The following GSG1L variants were observed in gnomAD, a reference collection of about 807,000 sequenced individuals.
GSG1L encodes the protein germ cell-specific gene 1-like protein.
Under a neutral mutation model 42.1 loss-of-function variants are expected in GSG1L, and 24 were observed. The observed-to-expected ratio is 0.57, with a 90% CI of 0.41 to 0.80. The LOEUF (loss-of-function observed/expected upper bound fraction) is 0.80, where lower values mean the gene tolerates loss of function less well. Ranked by LOEUF, GSG1L falls within the 30% of genes least tolerant of loss-of-function variation. GSG1L has a pLI of 0.00. For missense variants in GSG1L, 445 were observed against 472.2 expected (o/e 0.94, Z 0.53); for synonymous variants, 215 against 203.5 (o/e 1.06, Z -0.48).
At chr16:28,043,764 G>A (rs897145442) in intron 1 of GSG1L, among the ~76,000 whole-genome samples, 1 of 152,258 alleles carries the variant, frequency 6.6e-6, no homozygotes, top group African/African-American at 2.4e-5. Flanking sequence ...GCACACGCCT[G>A]TAATCCCAGC....
intron 3 of GSG1L, among the ~76,000 whole-genome samples, chr16:27,853,714 C>A (rs2083542011): frequency 6.6e-6 from 1 of 152,158 alleles, no homozygotes; most frequent in Non-Finnish European, 1.5e-5. Flanking sequence ...GGAGACCTTC[C>A]AATTTCAAGT....
At chr16:27,920,311 G>T (rs923738003) in intron 2 of GSG1L, among the ~76,000 whole-genome samples, 1 of 152,150 alleles carries the variant, frequency 6.6e-6, no homozygotes, top group African/African-American at 2.4e-5. Context: ...TAGCATGGCT[G>T]CCTGAGGCCA....
intron 2 of GSG1L, among the ~76,000 whole-genome samples, chr16:27,915,403 T>C (rs746965980): frequency 1.6e-4 from 24 of 152,156 alleles, no homozygotes; most frequent in Non-Finnish European, 5.9e-5. Flanking sequence ...GAAGGCTTTG[T>C]GGAGCCATAA....
intron 2 of GSG1L, among the ~76,000 whole-genome samples, chr16:27,912,042 C>T (rs1202893549): frequency 6.6e-6 from 1 of 152,132 alleles, no homozygotes; most frequent in East Asian, 1.9e-4. Context: ...TGTTGATCAG[C>T]TTTGGATTCA....
chr16:27,860,179 C>T (rs1002159445), intron 3 of GSG1L, among the ~76,000 whole-genome samples: 1 of 152,190 alleles, frequency 6.6e-6, no homozygotes, highest in African/African-American at 2.4e-5. Flanking sequence ...TAAGGAGGCC[C>T]TGGGTGGGCA....
At chr16:27,888,093 C>A (rs1016104150) in intron 2 of GSG1L, 1 of 985,360 alleles carries the variant, frequency 1.0e-6, no homozygotes, top group Admixed American at 6.1e-5. Context: ...CGCTGGGTTT[C>A]CAGCCCCTGT....
chr16:28,023,934 G>A (rs921246399), intron 1 of GSG1L, among the ~76,000 whole-genome samples: 32 of 152,280 alleles, frequency 2.1e-4, no homozygotes, highest in African/African-American at 7.5e-4. Flanking sequence ...GGAGGCTGAG[G>A]TAGGAGGATC....
In GSG1L at chr16:28,008,912, A is replaced by C. The variant is rs183183736; in HGVS notation, c.350-45709T>G. ...CAACCTCTGCCTCCCAGGTTAAAGC[A>C]ATTCTCCTGCCTCAGCCTCCAGAGT... On this transcript the variant is annotated intron_variant, in intron 1 of 6. Transcript: ENST00000447459. 2.0e-5 allele frequency among the ~76,000 whole-genome samples: 3 copies of C among 151,846 alleles called. No individual in the cohort carries two copies. The East Asian group carries it at 5.8e-4, about 29-fold the overall frequency.
chr16:27,807,819 T>G (rs745389742), intron 5 of GSG1L, among the ~76,000 whole-genome samples: 6 of 152,160 alleles, frequency 3.9e-5, no homozygotes, highest in Non-Finnish European at 7.3e-5. Context: ...AGAGGCAGAA[T>G]AGGAAGGCAA....
chr16:27,924,936 G>A (rs2084574602), intron 2 of GSG1L, among the ~76,000 whole-genome samples: 1 of 152,116 alleles, frequency 6.6e-6, no homozygotes, highest in Non-Finnish European at 1.5e-5. Context: ...CAGTCTCCCA[G>A]CAACACCGGA....
intron 5 of GSG1L, among the ~76,000 whole-genome samples, chr16:27,817,744 T>A (rs2083112556): frequency 1.3e-5 from 2 of 152,250 alleles, no homozygotes; most frequent in African/African-American, 4.8e-5. Context: ...AAGGCAAGCA[T>A]GAGTGTCCAG....
intron 3 of GSG1L, among the ~76,000 whole-genome samples, chr16:27,853,915 T>C (rs973297333): frequency 1.3e-5 from 2 of 152,022 alleles, no homozygotes; most frequent in African/African-American, 2.4e-5. Context: ...TTAATGGACA[T>C]GTAGCCAGGC....
chr16:27,890,717 T>C (rs978404281), intron 2 of GSG1L, among the ~76,000 whole-genome samples: 1 of 152,172 alleles, frequency 6.6e-6, no homozygotes, highest in Non-Finnish European at 1.5e-5. Flanking sequence ...AGAGCCTACA[T>C]GAGCCGTGGA....
At chr16:27,961,481 C>T (rs1295772790) in intron 2 of GSG1L, among the ~76,000 whole-genome samples, 1 of 152,226 alleles carries the variant, frequency 6.6e-6, no homozygotes, top group Non-Finnish European at 1.5e-5. Flanking sequence ...AGCTCTGCCT[C>T]TCATGAGGTG....
In GSG1L at chr16:27,884,716, A is replaced by G; in HGVS notation, c.398-78T>C. On this transcript the variant is annotated intron_variant, in intron 2 of 6. Coordinates refer to ENST00000447459, the MANE Select transcript of GSG1L (RefSeq NM_001109763.2). The surrounding 1 kb of genome is among the most constrained non-coding windows in gnomAD (Gnocchi z 4.4). Reference sequence around the variant, plus strand: ...TCACCCTGTGCCTATTCCTCCCACAACAGCAGAGGGTAGCAAGTCATTCTA... The same window carrying G: ...TCACCCTGTGCCTATTCCTCCCACAGCAGCAGAGGGTAGCAAGTCATTCTA... 7.3e-7 allele frequency: 1 copy of G among 1,370,382 alleles called. No individual in the cohort carries two copies. The highest frequency in any genetic ancestry group is 1.0e-6 in the Non-Finnish European group (1 of 1,003,140). 84.9% of individuals were successfully genotyped at this position (1,370,382 alleles called of 1,614,324 possible).
intron 2 of GSG1L, among the ~76,000 whole-genome samples, chr16:27,959,339 G>A (rs78481604): frequency 6.0e-5 from 6 of 100,256 alleles, no homozygotes; most frequent in Middle Eastern, 9.3e-3. Context: ...ATGGTGGCGT[G>A]CGCCTGTAAT....
rs180744912 is a variant in GSG1L at position 27,903,717 on chromosome 16, G to C, written c.398-19079C>G. Among the ~76,000 whole-genome samples the C allele has an allele frequency of 3.7e-3, 566 of 152,278 alleles. 1 individual carries two copies. The highest frequency in any genetic ancestry group is 6.4e-3 in the Non-Finnish European group (432 of 68,006). On this transcript the variant is annotated intron_variant, in intron 2 of 6. Transcript: ENST00000447459. ...GGACCAAATCCTCCAGGGCAGGCCA[G>C]AAGTCAGGGGCTTGGCGGACAGAGT...
intron 6 of GSG1L, among the ~76,000 whole-genome samples, chr16:27,796,357 CA>C (rs5816444): frequency 0.17 from 25,758 of 152,144 alleles, 2,209 homozygotes; most frequent in African/African-American, 0.21. Flanking sequence ...GGAAACCTGT[CA>C]GCTAGTGACA....
chr16:27,947,638 G>A (rs182658371), intron 2 of GSG1L, among the ~76,000 whole-genome samples: 33 of 152,250 alleles, frequency 2.2e-4, no homozygotes, highest in African/African-American at 7.7e-4. Context: ...TGTGGGTTGT[G>A]TGATAACATG....
Sources: gnomAD v4.1 joint callset for allele counts (sites outside exome capture counted in the v4.1 genomes callset) on GRCh38, gnomAD v4.1.1 for gene constraint, Gnocchi (gnomAD v3.1) non-coding constraint, MANE v1.5 for transcripts, NCBI Gene and HGNC (gene_info 2026-07-23, HGNC 2026-07-21) for gene names.